BLMH: variants seen among roughly 807,000 people sequenced by gnomAD.
BLMH encodes BLM hydrolase.
A neutral mutation model predicts 61.6 loss-of-function variants in BLMH; 32 were observed. That is an observed-to-expected ratio of 0.52 (90% confidence interval 0.39 to 0.70). BLMH has a LOEUF of 0.70. BLMH is among the 30% of genes least tolerant of loss of function. The pLI, the probability that BLMH is intolerant of heterozygous loss-of-function variation, is 0.00. For synonymous variants in BLMH, 183 were observed against 193.8 expected (o/e 0.94, Z 0.46); for missense variants, 460 against 555.5 (o/e 0.83, Z 1.73).
chr17:30,272,801 GTA>G lies in BLMH; in HGVS notation c.898_899del (p.Tyr300GlnfsTer6). The G allele has an allele frequency of 6.2e-7, 1 of 1,614,210 alleles. No homozygotes were observed. Among genetic ancestry groups the G allele is most frequent in the Non-Finnish European group, 8.5e-7 (1 of 1,180,052 alleles). On this transcript the variant is annotated frameshift_variant, in exon 8 of 12. Transcript: ENST00000261714. LOFTEE classifies it high-confidence loss of function. ...SNMVGGRKTLYNNQPIDFLKK... is the reference protein window; with the variant it reads ...SNMVGGRKTLXNNQPIDFLKK... ...TCAGGAAGTCAATGGGCTGGTTGTT[GTA>G]TAGAGTTTTTCTCCCTCCAACCATA...
intron 6 of BLMH, among the ~76,000 whole-genome samples, chr17:30,277,592 G>A (rs1049083252): frequency 5.3e-5 from 8 of 152,110 alleles, no homozygotes; most frequent in Non-Finnish European, 8.8e-5. Context: ...GCTCAGCCAG[G>A]CCCTGGCCAA....
chr17:30,285,089 A>G (rs3103308), intron 6 of BLMH, among the ~76,000 whole-genome samples: 6,580 of 152,262 alleles, frequency 0.043, 196 homozygotes, highest in Non-Finnish European at 0.061. Flanking sequence ...AGCAGTGACT[A>G]TGTCTTTCTC....
At chr17:30,279,146 T>C (rs1298081391) in intron 6 of BLMH, among the ~76,000 whole-genome samples, 2 of 152,220 alleles carry the variant, frequency 1.3e-5, no homozygotes, top group Non-Finnish European at 2.9e-5. Flanking sequence ...CGAATAATGA[T>C]GTGATCCTAT....
intron 1 of BLMH, 104 bp from the exon 2 acceptor site, chr17:30,291,612 C>T: frequency 2.0e-6 from 3 of 1,473,536 alleles, no homozygotes; most frequent in Non-Finnish European, 2.8e-6. Flanking sequence ...CCTGGGGTGC[C>T]CGCTGCAGCG....
intron 10 of BLMH, among the ~76,000 whole-genome samples, chr17:30,270,930 AAC>A (rs1053103918): frequency 1.3e-5 from 2 of 152,200 alleles, no homozygotes; most frequent in African/African-American, 4.8e-5. Context: ...TCAAGATATG[AAC>A]ACTTTCAGGG....
chr17:30,256,399 G>C (rs969619284), intron 11 of BLMH, among the ~76,000 whole-genome samples: 1 of 152,216 alleles, frequency 6.6e-6, no homozygotes, highest in Non-Finnish European at 1.5e-5. Context: ...CGTGATCTCA[G>C]TTCACTGCAA....
chr17:30,286,967 A>C, intron 4 of BLMH, 65 bp from the exon 5 acceptor site: 1 of 1,039,318 alleles, frequency 9.6e-7, no homozygotes, highest in Non-Finnish European at 1.5e-6. Flanking sequence ...AAAAATAGTG[A>C]TTGTTTCAAA....
chr17:30,288,780 C>T (rs1338361946), intron 3 of BLMH, among the ~76,000 whole-genome samples: 2 of 152,086 alleles, frequency 1.3e-5, no homozygotes, highest in African/African-American at 4.8e-5. Context: ...GTCTGACCAA[C>T]ACGGTGAAAT....
In BLMH at chr17:30,248,821, C is replaced by A. The variant is rs1216199410; in HGVS notation, c.*196G>T. The stretch of plus-strand genomic sequence containing the variant: ...AGATAGTATGACCTGATCTTCCCCC[C>A]TCTTTTTTTTCCTTTAACAGTATTC... On this transcript the variant is annotated 3_prime_UTR_variant, in exon 12 of 12. Transcript: ENST00000261714. 5 of 605,582 alleles carry A rather than the reference C, an allele frequency of 8.3e-6. No individual in the cohort carries two copies. Among genetic ancestry groups the A allele is most frequent in the Admixed American group, 3.2e-5 (1 of 31,540 alleles). 37.5% of individuals were successfully genotyped at this position (605,582 alleles called of 1,614,324 possible).
chr17:30,269,471 G>A (rs1908205916), intron 10 of BLMH, among the ~76,000 whole-genome samples: 1 of 152,086 alleles, frequency 6.6e-6, no homozygotes, highest in Admixed American at 6.5e-5. Flanking sequence ...GTGAGTCACT[G>A]CACCCGGTCT....
intron 6 of BLMH, among the ~76,000 whole-genome samples, chr17:30,281,847 T>C (rs1312436390): frequency 6.6e-6 from 1 of 152,208 alleles, no homozygotes; most frequent in Non-Finnish European, 1.5e-5. Flanking sequence ...AAAAATATAT[T>C]TTTTAATCGA....
At chr17:30,282,428 G>A (rs977651569) in intron 6 of BLMH, among the ~76,000 whole-genome samples, 2 of 152,060 alleles carry the variant, frequency 1.3e-5, no homozygotes, top group African/African-American at 4.8e-5. Context: ...ATGTTGGCCA[G>A]GCTGGTCTTG....
At chr17:30,276,232 T>C (rs1023155510) in intron 6 of BLMH, among the ~76,000 whole-genome samples, 3 of 152,230 alleles carry the variant, frequency 2.0e-5, no homozygotes, top group African/African-American at 4.8e-5. Flanking sequence ...TATCTTTCAC[T>C]ACCATATTTC....
chr17:30,291,620 G>GCTT, intron 1 of BLMH, 112 bp from the exon 2 acceptor site: 1 of 1,449,932 alleles, frequency 6.9e-7, no homozygotes, highest in Non-Finnish European at 9.3e-7. Context: ...GCCCGCTGCA[G>GCTT]CGGGGAAACC....
At chr17:30,279,019 G>C (rs1908503870) in intron 6 of BLMH, among the ~76,000 whole-genome samples, 1 of 152,208 alleles carries the variant, frequency 6.6e-6, no homozygotes. Context: ...GAACCAATCT[G>C]ATAAAGGGGG....
At chr17:30,261,534 A>C (rs768740183) in intron 11 of BLMH, among the ~76,000 whole-genome samples, 2 of 151,508 alleles carry the variant, frequency 1.3e-5, no homozygotes, top group African/African-American at 2.4e-5. Flanking sequence ...TGATGGCTAC[A>C]TACAAACTGT....
At chr17:30,253,982 G>A (rs1422255676) in intron 11 of BLMH, among the ~76,000 whole-genome samples, 1 of 152,154 alleles carries the variant, frequency 6.6e-6, no homozygotes, top group Non-Finnish European at 1.5e-5. Context: ...GACAGGTTAG[G>A]TGAAATTCAT....
chr17:30,281,499 CT>C (rs1405971166), intron 6 of BLMH, among the ~76,000 whole-genome samples: 1 of 152,096 alleles, frequency 6.6e-6, no homozygotes, highest in Admixed American at 6.6e-5. Context: ...ACCTGCTACC[CT>C]TTTCTACACA....
chr17:30,289,129 AAT>A (rs1908812892), intron 3 of BLMH, among the ~76,000 whole-genome samples: 1 of 152,204 alleles, frequency 6.6e-6, no homozygotes, highest in African/African-American at 2.4e-5. Context: ...TAAAATTTTA[AAT>A]AGACAAGCAA....
Sources: gnomAD v4.1 joint callset for allele counts (sites outside exome capture counted in the v4.1 genomes callset) on GRCh38, gnomAD v4.1.1 for gene constraint, MANE v1.5 for transcripts, NCBI Gene and HGNC (gene_info 2026-07-23, HGNC 2026-07-21) for gene names.